CECR2: variants seen among roughly 807,000 people sequenced by gnomAD.
The protein encoded by CECR2 is CECR2 histone acetyl-lysine reader.
CECR2 carries 30 observed loss-of-function variants against 154.5 expected under a neutral mutation model. The ratio of observed to expected loss-of-function variants is 0.19; its 90% CI spans 0.15 to 0.26. The LOEUF (loss-of-function observed/expected upper bound fraction) is 0.26. Ranked by LOEUF, CECR2 falls within the 10% of genes least tolerant of loss-of-function variation. The probability of loss-of-function intolerance (pLI) is 1.00; values close to 1 mark genes in which losing one functional copy is unlikely to be tolerated. For missense variants in CECR2, 1,743 were observed against 1,829.3 expected (o/e 0.95, Z 0.86); for synonymous variants, 725 against 683.7 (o/e 1.06, Z -0.94).
Position 17,549,471 on chromosome 22 carries a change from A to G in CECR2, c.4184A>G (p.Glu1395Gly), listed in dbSNP as rs74478545. ...GGTCCCATCTATCGCTGCCAGGAAGAAGGCCTGGGTCACTTTCAAGCTGTG... is the reference window on the plus strand; with the variant it reads ...GGTCCCATCTATCGCTGCCAGGAAGGAGGCCTGGGTCACTTTCAAGCTGTG... ...QEGPIYRCQEEGLGHFQAVMM... is the reference protein window; with the variant it reads ...QEGPIYRCQEGGLGHFQAVMM... Residue 1395 changes from glutamate to glycine, a missense_variant, in exon 17 of 19, where the codon GAA (glutamate) becomes GGA (glycine). By Grantham distance (98) the Glu-to-Gly change is moderately conservative. Around this residue, in one of 4 missense-constraint regions of CECR2, gnomAD observed 1,250 missense variants for 1,192.1 expected, o/e 1.05. Transcript: ENST00000262608. 1.1e-5 allele frequency: 18 copies of G among 1,611,092 alleles called. No individual in the cohort carries two copies. The East Asian group carries it at 3.8e-4, about 34-fold the overall frequency.
At chr22:17,543,717 AC>A (rs1452489756) in intron 16 of CECR2, among the ~76,000 whole-genome samples, 1 of 150,220 alleles carries the variant, frequency 6.7e-6, no homozygotes, top group Non-Finnish European at 1.5e-5. Flanking sequence ...ATGCCACCAC[AC>A]CCGGCTAATT....
intron 1 of CECR2, among the ~76,000 whole-genome samples, chr22:17,459,025 T>C (rs552409650): frequency 6.6e-6 from 1 of 152,314 alleles, no homozygotes; most frequent in East Asian, 1.9e-4. Flanking sequence ...CAACTTATAC[T>C]TGGAAAAAGT....
At chr22:17,363,451 G>A (rs759063356) in intron 1 of CECR2, among the ~76,000 whole-genome samples, 2 of 151,956 alleles carry the variant, frequency 1.3e-5, no homozygotes, top group African/African-American at 2.4e-5. Flanking sequence ...CTTATGATCC[G>A]CCTGCCTTGG....
chr22:17,454,397 A>G (rs1004267818), intron 1 of CECR2, among the ~76,000 whole-genome samples: 4 of 151,748 alleles, frequency 2.6e-5, no homozygotes, highest in Non-Finnish European at 5.9e-5. Flanking sequence ...CGAGGTCAGG[A>G]GATCAAGACC....
In CECR2 at chr22:17,557,981, T is replaced by G. The variant is rs2056793166; in HGVS notation, c.*5141T>G. ...TTGTGTATATTTTGTCGTGGTCTGC[T>G]GATTCCCTGTTTCACTGAGAGCGAC... On this transcript the variant is annotated 3_prime_UTR_variant, in exon 19 of 19. Coordinates refer to ENST00000262608, the MANE Select transcript of CECR2 (RefSeq NM_001290047.2). The G allele has an allele frequency of 6.6e-6, 1 of 152,258 alleles. No homozygotes were observed. The highest frequency in any genetic ancestry group is 2.4e-5 in the African/African-American group (1 of 41,466). 9.4% of individuals were successfully genotyped at this position (152,258 alleles called of 1,614,324 possible). A position where few individuals can be genotyped will look rare whatever the true frequency, so the allele number is the denominator to read the frequency against.
rs1244302671 is a variant in CECR2, at chr22:17,553,483, G to C, written c.*643G>C. 6.6e-6 allele frequency: 1 copy of C among 152,268 alleles called. No homozygotes were observed. Among genetic ancestry groups the C allele is most frequent in the Non-Finnish European group, 1.5e-5 (1 of 68,126 alleles). The allele number at this position is 152,268 out of a possible 1,614,324, so 9.4% of individuals were successfully genotyped here. A position where few individuals can be genotyped will look rare whatever the true frequency, so the allele number is the denominator to read the frequency against. On this transcript the variant is annotated 3_prime_UTR_variant, in exon 19 of 19. Coordinates refer to ENST00000262608, the MANE Select transcript of CECR2 (RefSeq NM_001290047.2). Reference sequence around the variant, plus strand: ...GGGAGCCGGAGATGAGGGTAGGAAAGGTTTGATCTTGTAATATGTCACTGT... The same window carrying C: ...GGGAGCCGGAGATGAGGGTAGGAAACGTTTGATCTTGTAATATGTCACTGT...
At chr22:17,540,347 CTA>C in intron 13 of CECR2, 63 bp from the exon 14 acceptor site, 2 of 1,365,576 alleles carry the variant, frequency 1.5e-6, no homozygotes, top group Non-Finnish European at 1.9e-6. Context: ...TTTCTATAAA[CTA>C]TAGTTTCTAT....
In CECR2 at chr22:17,494,696, G is replaced by GT. The variant is rs564671510; in HGVS notation, c.222-2700dup. Among the ~76,000 whole-genome samples the GT allele has an allele frequency of 1.3e-3, 198 of 152,114 alleles. 2 individuals are homozygous for GT. The highest frequency in any genetic ancestry group is 2.2e-3 in the Non-Finnish European group (151 of 67,990). On this transcript the variant is annotated intron_variant, in intron 2 of 18. Coordinates refer to ENST00000262608, the MANE Select transcript of CECR2 (RefSeq NM_001290047.2). ...CTTTGAAAAAGCAAACTGTTTAAGT[G>GT]TTTTTTTGTTTTTTTTGAGACAGCA...
intron 17 of CECR2, chr22:17,550,333 A>G: frequency 5.8e-6 from 1 of 171,044 alleles, no homozygotes; most frequent in Non-Finnish European, 1.3e-5. Context: ...TGATACTATA[A>G]ACTTAATAAC....
chr22:17,431,439 G>A (rs530455540), intron 1 of CECR2, among the ~76,000 whole-genome samples: 1 of 152,306 alleles, frequency 6.6e-6, no homozygotes, highest in South Asian at 2.1e-4. Flanking sequence ...CCTGTTCTCA[G>A]TAAATTTATG....
At position 17,420,082 on chromosome 22, in the gene CECR2, A is replaced by G. The variant is rs1213408835; in HGVS notation, c.126+50173A>G. On this transcript the variant is annotated intron_variant, in intron 1 of 18. Transcript: ENST00000262608. Reference sequence around the variant, plus strand: ...TACAGCTGTCCTTGAACAAGTTTCAATACTTACGAAAGGAAGATTTAAACC... The same window carrying G: ...TACAGCTGTCCTTGAACAAGTTTCAGTACTTACGAAAGGAAGATTTAAACC... 2.6e-5 allele frequency among the ~76,000 whole-genome samples: 4 copies of G among 152,250 alleles called. No homozygotes were observed. The East Asian group carries it at 7.7e-4, about 29-fold the overall frequency.
chr22:17,450,642 C>T (rs1050782104), intron 1 of CECR2, among the ~76,000 whole-genome samples: 7 of 152,194 alleles, frequency 4.6e-5, no homozygotes, highest in Non-Finnish European at 8.8e-5. Flanking sequence ...ATAATGTGTG[C>T]GTATACAACC....
At chr22:17,458,088 G>A (rs2054881530) in intron 1 of CECR2, among the ~76,000 whole-genome samples, 1 of 152,026 alleles carries the variant, frequency 6.6e-6, no homozygotes, top group African/African-American at 2.4e-5. Flanking sequence ...TCTTAATTGT[G>A]GGGGTGGCTG....
intron 6 of CECR2, among the ~76,000 whole-genome samples, 173 bp downstream of exon 6, chr22:17,503,304 C>T (rs1470262339): frequency 6.6e-6 from 1 of 152,210 alleles, no homozygotes; most frequent in African/African-American, 2.4e-5. Context: ...GTGCCCAGCT[C>T]ATCATCTGAC....
intron 1 of CECR2, among the ~76,000 whole-genome samples, chr22:17,441,503 G>A (rs768626502): frequency 7.2e-5 from 11 of 152,268 alleles, no homozygotes; most frequent in East Asian, 1.9e-4. Context: ...AGAATAGTGC[G>A]TCATTTATTC....
upstream of CECR2, among the ~76,000 whole-genome samples, chr22:17,366,283 G>A (rs1236686370): frequency 6.6e-6 from 1 of 152,146 alleles, no homozygotes; most frequent in Non-Finnish European, 1.5e-5. Flanking sequence ...CTGCCTCCCG[G>A]GTTCAACCAA....
chr22:17,364,897 G>T (rs1257088304), upstream of CECR2, among the ~76,000 whole-genome samples: 1 of 152,102 alleles, frequency 6.6e-6, no homozygotes, highest in Non-Finnish European at 1.5e-5. Flanking sequence ...GAAGTAGCAT[G>T]ATTCCAAAGA....
At chr22:17,366,287 C>T (rs2063001490), upstream of CECR2, among the ~76,000 whole-genome samples, 1 of 152,178 alleles carries the variant, frequency 6.6e-6, no homozygotes, top group African/African-American at 2.4e-5. Flanking sequence ...CTCCCGGGTT[C>T]AACCAATCAT....
intron 7 of CECR2, among the ~76,000 whole-genome samples, chr22:17,506,435 A>G (rs2055846699): frequency 6.6e-6 from 1 of 151,864 alleles, no homozygotes. Context: ...CCCCCTCTCT[A>G]CTTCCTTACC....
Sources: allele counts gnomAD v4.1 joint callset (sites outside exome capture counted in the v4.1 genomes callset), GRCh38; gene constraint gnomAD v4.1.1; regional missense constraint gnomAD v4.1.1; transcripts MANE v1.5; gene names NCBI Gene and HGNC (gene_info 2026-07-23, HGNC 2026-07-21).